Variants in MYO10 observed in about 807,000 individuals in gnomAD.
The protein encoded by MYO10 is myosin X, also known as unconventional myosin-X.
MYO10 carries 133 observed loss-of-function variants against 257.3 expected under a neutral mutation model. That is an observed-to-expected ratio of 0.52 (90% confidence interval 0.45 to 0.60). The LOEUF is 0.60. Among genes scored for constraint, MYO10 ranks in the 20% least tolerant of loss-of-function variants. The probability of loss-of-function intolerance (pLI) is 0.00; values close to 1 mark genes in which losing one functional copy is unlikely to be tolerated. For missense variants in MYO10, 2,399 were observed against 2,635.7 expected, an observed-to-expected ratio of 0.91 and a Z score of 1.97; for synonymous variants, 1,104 against 1,028.6, an observed-to-expected ratio of 1.07 and a Z score of -1.40.
intron 1 of MYO10, among the ~76,000 whole-genome samples, chr5:16,919,692 A>G (rs13172712): frequency 0.069 from 10,536 of 152,226 alleles, 432 homozygotes; most frequent in African/African-American, 0.11. Flanking sequence ...AAATAAACAC[A>G]CAGGCCGGGC....
At position 16,781,943 on chromosome 5, in the gene MYO10, A is replaced by C; in HGVS notation, c.603-114T>G. 3.9e-6 allele frequency: 5 copies of C among 1,285,646 alleles called. No homozygotes were observed. The South Asian group carries it at 6.9e-5, about 18-fold the overall frequency. The allele number at this position is 1,285,646 out of a possible 1,614,324, so 79.6% of individuals were successfully genotyped here. On this transcript the variant is annotated intron_variant, in intron 5 of 40. Transcript: ENST00000513610. ...ACTGCAAGAAAAATCTGAAACCAAA[A>C]GGACTGAGGGTGGCAATGTTTATTT...
intron 2 of MYO10, among the ~76,000 whole-genome samples, chr5:16,839,443 G>T (rs915745454): frequency 4.6e-5 from 7 of 152,146 alleles, no homozygotes; most frequent in African/African-American, 1.7e-4. Flanking sequence ...GCAATCTCAT[G>T]ATCAAATTGG....
intron 2 of MYO10, among the ~76,000 whole-genome samples, chr5:16,873,063 A>G (rs1010124371): frequency 6.6e-6 from 1 of 152,214 alleles, no homozygotes; most frequent in Admixed American, 6.5e-5. Flanking sequence ...TTTCAGCATT[A>G]ACCCAGAAGT....
At chr5:16,772,748 C>T (rs1045182368) in intron 9 of MYO10, among the ~76,000 whole-genome samples, 3 of 152,198 alleles carry the variant, frequency 2.0e-5, no homozygotes, top group East Asian at 1.9e-4. Context: ...GTCTATTCAA[C>T]GGAATACCAA....
At chr5:16,787,949 C>A (rs1002171095) in intron 4 of MYO10, among the ~76,000 whole-genome samples, 1 of 152,120 alleles carries the variant, frequency 6.6e-6, no homozygotes, top group Non-Finnish European at 1.5e-5. Flanking sequence ...CCTGCCACCA[C>A]GCCCAGCTAA....
chr5:16,869,371 G>A (rs1744383867), intron 2 of MYO10, among the ~76,000 whole-genome samples: 1 of 151,790 alleles, frequency 6.6e-6, no homozygotes, highest in South Asian at 2.1e-4. Flanking sequence ...CAGGTCACCT[G>A]AGGCCAGGAG....
intron 2 of MYO10, among the ~76,000 whole-genome samples, chr5:16,854,756 G>A (rs138170038): frequency 0.012 from 1,853 of 152,268 alleles, 34 homozygotes; most frequent in Middle Eastern, 0.034. Context: ...TATTGGCCGG[G>A]CATGGTGGCT....
At chr5:16,805,655 G>A (rs760746808) in intron 3 of MYO10, among the ~76,000 whole-genome samples, 15 of 152,100 alleles carry the variant, frequency 9.9e-5, no homozygotes, top group Non-Finnish European at 1.8e-4. Flanking sequence ...GCCACGTACC[G>A]GTTTCCTCAT....
intron 1 of MYO10, chr5:16,916,501 A>G (rs1458186739): frequency 5.8e-6 from 1 of 171,154 alleles, no homozygotes; most frequent in Non-Finnish European, 1.3e-5. Context: ...AGAAGCATGG[A>G]AAGAACTCAC....
At chr5:16,878,014 A>T (rs1347510990) in intron 1 of MYO10, among the ~76,000 whole-genome samples, 1 of 152,192 alleles carries the variant, frequency 6.6e-6, no homozygotes, top group Non-Finnish European at 1.5e-5. Flanking sequence ...TGAAGCAGGC[A>T]CTATGACCAT....
At chr5:16,672,127 T>C (rs1736495362) in intron 37 of MYO10, among the ~76,000 whole-genome samples, 1 of 152,076 alleles carries the variant, frequency 6.6e-6, no homozygotes, top group African/African-American at 2.4e-5. Flanking sequence ...AAACCCCATC[T>C]GTACTAAAAA....
intron 10 of MYO10, among the ~76,000 whole-genome samples, 186 bp from the exon 11 acceptor site, chr5:16,766,384 C>A (rs535884215): frequency 2.6e-4 from 40 of 152,320 alleles, no homozygotes; most frequent in African/African-American, 9.6e-4. Flanking sequence ...CGTGCTTGGA[C>A]GAAGTGTGGT....
intron 9 of MYO10, among the ~76,000 whole-genome samples, chr5:16,770,767 C>T (rs547967436): frequency 6.6e-5 from 10 of 152,112 alleles, no homozygotes; most frequent in Middle Eastern, 3.4e-3. Flanking sequence ...ATTTCTTTCC[C>T]TTTTTTTTGT....
At chr5:16,783,190 A>G (rs1363306506) in intron 5 of MYO10, 145 bp downstream of exon 5, 1 of 827,608 alleles carries the variant, frequency 1.2e-6, no homozygotes, top group Non-Finnish European at 1.8e-6. Flanking sequence ...TACTATGTGC[A>G]TGGCAAGACC....
At chr5:16,925,082 C>T (rs1746096121) in intron 1 of MYO10, among the ~76,000 whole-genome samples, 3 of 152,090 alleles carry the variant, frequency 2.0e-5, no homozygotes, top group Non-Finnish European at 4.4e-5. Context: ...CCGCCTGCCT[C>T]GGCCTCCCAA....
chr5:16,837,623 G>A lies in MYO10; in HGVS notation c.121-19456C>T, dbSNP rs74867712. ...ACACTTTGAGTAAAGTCTATGGTTT[G>A]TGGGTTACATCTCAATAAAACTGTT... On this transcript the variant is annotated intron_variant, in intron 2 of 40. Transcript: ENST00000513610. Among the ~76,000 whole-genome samples, 47 of 152,272 alleles carry A rather than the reference G, an allele frequency of 3.1e-4. 1 individual carries two copies. In the East Asian group the frequency reaches 8.1e-3, roughly 26 times the overall value.
chr5:16,820,709 A>C (rs920835929), intron 2 of MYO10, among the ~76,000 whole-genome samples: 1 of 152,130 alleles, frequency 6.6e-6, no homozygotes, highest in Admixed American at 6.6e-5. Context: ...AAGATTTAGA[A>C]TATTATAATT....
At chr5:16,805,900 C>G (rs1269346019) in intron 3 of MYO10, among the ~76,000 whole-genome samples, 4 of 152,070 alleles carry the variant, frequency 2.6e-5, no homozygotes, top group Non-Finnish European at 5.9e-5. Context: ...TAAAATCTAC[C>G]AAGTCAAGGT....
At chr5:16,716,456 C>A in intron 19 of MYO10, among the ~76,000 whole-genome samples, 1 of 151,304 alleles carries the variant, frequency 6.6e-6, no homozygotes, top group Non-Finnish European at 1.5e-5. Context: ...ATCCAATTGC[C>A]CTGAACATTA....
Sources: allele counts gnomAD v4.1 joint callset (sites outside exome capture counted in the v4.1 genomes callset), GRCh38; gene constraint gnomAD v4.1.1; transcripts MANE v1.5; gene names NCBI Gene and HGNC (gene_info 2026-07-23, HGNC 2026-07-21).